The following NRXN3 variants were observed in gnomAD, a reference collection of about 807,000 sequenced individuals.
NRXN3 encodes the protein neurexin 3, also known as neurexin III.
Under a neutral mutation model 137.6 loss-of-function variants are expected in NRXN3, and 32 were observed. The observed-to-expected ratio is 0.23, with a 90% CI of 0.18 to 0.31. The LOEUF (loss-of-function observed/expected upper bound fraction) is 0.31. NRXN3 is among the 10% of genes least tolerant of loss of function. The probability of loss-of-function intolerance (pLI) is 1.00; values close to 1 mark genes in which losing one functional copy is unlikely to be tolerated. For missense variants in NRXN3, 1,574 were observed against 2,062.5 expected, an observed-to-expected ratio of 0.76 and a Z score of 4.59; for synonymous variants, 798 against 784.5, an observed-to-expected ratio of 1.02 and a Z score of -0.29.
intron 1 of NRXN3, among the ~76,000 whole-genome samples, chr14:78,205,212 TG>T (rs1455123129): frequency 6.6e-6 from 1 of 152,228 alleles, no homozygotes; most frequent in African/African-American, 2.4e-5. Context: ...ACTGATTGGA[TG>T]TGTTTAAGTA....
intron 15 of NRXN3, among the ~76,000 whole-genome samples, chr14:79,011,583 C>G (rs943707825): frequency 1.3e-5 from 2 of 151,938 alleles, no homozygotes; most frequent in East Asian, 3.9e-4. Flanking sequence ...AACCTTCTTG[C>G]AATAAACTGT....
intron 15 of NRXN3, among the ~76,000 whole-genome samples, chr14:79,456,139 G>GA (rs1355362575): frequency 6.6e-6 from 1 of 152,010 alleles, no homozygotes; most frequent in African/African-American, 2.4e-5. Context: ...CTTAATTATA[G>GA]AAATCATTAA....
At chr14:78,338,184 CTG>C (rs986884088) in intron 4 of NRXN3, among the ~76,000 whole-genome samples, 6 of 152,144 alleles carry the variant, frequency 3.9e-5, no homozygotes, top group African/African-American at 9.7e-5. Context: ...TGCTGTATCT[CTG>C]TAACATTTCC....
intron 10 of NRXN3, among the ~76,000 whole-genome samples, chr14:78,820,877 T>C (rs1006186202): frequency 6.6e-6 from 1 of 152,196 alleles, no homozygotes; most frequent in Admixed American, 6.5e-5. Flanking sequence ...AATATTTGGA[T>C]GGTTATGAAC....
chr14:78,717,159 A>G (rs1363806219), intron 8 of NRXN3, among the ~76,000 whole-genome samples: 1 of 152,154 alleles, frequency 6.6e-6, no homozygotes, highest in Non-Finnish European at 1.5e-5. Context: ...TAACTCAAGC[A>G]AGGGCCTTGT....
chr14:79,226,272 A>G (rs1340156316), intron 15 of NRXN3, among the ~76,000 whole-genome samples: 2 of 152,234 alleles, frequency 1.3e-5, no homozygotes, highest in Admixed American at 6.5e-5. Flanking sequence ...CAAGCTGCCT[A>G]TAATATGTGC....
chr14:78,946,492 G>A (rs2099365526), intron 10 of NRXN3, among the ~76,000 whole-genome samples: 1 of 152,296 alleles, frequency 6.6e-6, no homozygotes, highest in African/African-American at 2.4e-5. Context: ...AACAGTGAGT[G>A]TATCTTTTTC....
At chr14:79,590,202 T>C (rs944872616) in intron 16 of NRXN3, among the ~76,000 whole-genome samples, 5 of 152,070 alleles carry the variant, frequency 3.3e-5, no homozygotes, top group East Asian at 1.9e-4. Flanking sequence ...AATTGAATTA[T>C]GTGGGCAGGT....
intron 19 of NRXN3, among the ~76,000 whole-genome samples, chr14:79,803,958 CATAT>C (rs956369384): frequency 1.4e-5 from 2 of 141,376 alleles, no homozygotes; most frequent in African/African-American, 5.3e-5. Context: ...TATATATATA[CATAT>C]ATATGTATGT....
At chr14:78,780,755 A>G (rs141329893) in intron 8 of NRXN3, among the ~76,000 whole-genome samples, 60 of 152,344 alleles carry the variant, frequency 3.9e-4, no homozygotes, top group African/African-American at 1.4e-3. Context: ...AAGCATTGAG[A>G]TATTACTTCA....
intron 15 of NRXN3, chr14:79,201,676 G>A (rs560959913): frequency 3.3e-5 from 5 of 152,308 alleles, no homozygotes; most frequent in Admixed American, 1.3e-4. Context: ...GGCCAACTAA[G>A]AGTTTGGCAC....
At chr14:79,240,964 G>A (rs2074190574) in intron 15 of NRXN3, among the ~76,000 whole-genome samples, 1 of 152,018 alleles carries the variant, frequency 6.6e-6, no homozygotes, top group South Asian at 2.1e-4. Flanking sequence ...GTGTGTTTGG[G>A]TGTGTATGTG....
chr14:79,441,849 T>G (rs1319819497), intron 15 of NRXN3, among the ~76,000 whole-genome samples: 1 of 144,778 alleles, frequency 6.9e-6, no homozygotes, highest in East Asian at 2.1e-4. Context: ...AAGCAAACTT[T>G]AAAAAACAAA....
intron 10 of NRXN3, among the ~76,000 whole-genome samples, chr14:78,904,382 C>T (rs1423117807): frequency 6.6e-6 from 1 of 151,968 alleles, no homozygotes; most frequent in Non-Finnish European, 1.5e-5. Context: ...GTCAATAATG[C>T]CGAGGTTGAA....
chr14:78,377,230 G>T (rs1019964344), intron 4 of NRXN3, among the ~76,000 whole-genome samples: 1 of 152,172 alleles, frequency 6.6e-6, no homozygotes, highest in African/African-American at 2.4e-5. Flanking sequence ...TATATATTAT[G>T]CCAACATTAA....
At chr14:79,584,472 T>C (rs749943903) in intron 16 of NRXN3, among the ~76,000 whole-genome samples, 3 of 152,048 alleles carry the variant, frequency 2.0e-5, no homozygotes, top group Non-Finnish European at 4.4e-5. Flanking sequence ...AGAAATGACA[T>C]AGGTGATTAG....
intron 19 of NRXN3, among the ~76,000 whole-genome samples, chr14:79,708,265 C>T (rs1045021464): frequency 1.3e-5 from 2 of 152,100 alleles, no homozygotes; most frequent in African/African-American, 4.8e-5. Flanking sequence ...TTGTACTAGA[C>T]ATTGTAAGTA....
At chr14:78,711,847 C>T (rs1057060997) in intron 7 of NRXN3, among the ~76,000 whole-genome samples, 8 of 152,160 alleles carry the variant, frequency 5.3e-5, no homozygotes, top group African/African-American at 1.7e-4. Context: ...AATTTTAATA[C>T]AGTCTGTTAA....
chr14:79,821,125 A>C (rs1191793939), intron 20 of NRXN3, among the ~76,000 whole-genome samples: 1 of 151,824 alleles, frequency 6.6e-6, no homozygotes, highest in Admixed American at 6.5e-5. Context: ...TGTTTTAATA[A>C]GCTTTGAAGA....
Sources: gnomAD v4.1 joint callset for allele counts (sites outside exome capture counted in the v4.1 genomes callset) on GRCh38, gnomAD v4.1.1 for gene constraint, MANE v1.5 for transcripts, NCBI Gene and HGNC (gene_info 2026-07-23, HGNC 2026-07-21) for gene names.